NRG1: variants seen among roughly 807,000 people sequenced by gnomAD.
The protein encoded by NRG1 is pro-neuregulin-1, membrane-bound isoform.
A neutral mutation model predicts 63.8 loss-of-function variants in NRG1; 18 were observed. The observed-to-expected ratio is 0.28, with a 90% CI of 0.19 to 0.42. The LOEUF is 0.42. Ranked by LOEUF, NRG1 falls within the 10% of genes least tolerant of loss-of-function variation. NRG1 has a pLI of 1.00. For synonymous variants in NRG1, 302 were observed against 301.3 expected (o/e 1.00, Z -0.02); for missense variants, 762 against 814.7 (o/e 0.94, Z 0.79).
intron 1 of NRG1, among the ~76,000 whole-genome samples, chr8:32,328,112 C>T (rs1194871575): frequency 1.3e-5 from 2 of 152,178 alleles, no homozygotes; most frequent in Non-Finnish European, 1.5e-5. Context: ...GAGACAGCAT[C>T]TTTTAAGCAA....
chr8:32,528,650 T>A (rs940551171), intron 1 of NRG1, among the ~76,000 whole-genome samples: 2 of 151,974 alleles, frequency 1.3e-5, no homozygotes, highest in African/African-American at 2.4e-5. Context: ...AATAGAGGAG[T>A]GGTAAGATGT....
intron 1 of NRG1, among the ~76,000 whole-genome samples, chr8:32,497,135 T>A (rs1004096489): frequency 1.3e-5 from 2 of 152,152 alleles, no homozygotes; most frequent in African/African-American, 2.4e-5. Context: ...AGTCTTATTG[T>A]ATAGAATTTA....
chr8:31,824,673 G>T (rs1824360271), intron 1 of NRG1, among the ~76,000 whole-genome samples: 1 of 152,204 alleles, frequency 6.6e-6, no homozygotes. Context: ...TGTTTCTGCA[G>T]ATGCATGTAA....
chr8:32,451,190 C>T (rs1056445074), intron 1 of NRG1, among the ~76,000 whole-genome samples: 2 of 152,168 alleles, frequency 1.3e-5, no homozygotes, highest in Non-Finnish European at 2.9e-5. Flanking sequence ...TTCTGTTTGA[C>T]TTTGCAGCAG....
At chr8:32,497,446 C>CA (rs34243536) in intron 1 of NRG1, among the ~76,000 whole-genome samples, 11,306 of 119,418 alleles carry the variant, frequency 0.095, 525 homozygotes, top group Middle Eastern at 0.15. Context: ...GATTTTGTAT[C>CA]AAAAAAAAAA....
At chr8:31,939,624 G>A (rs550520271) in intron 1 of NRG1, among the ~76,000 whole-genome samples, 1 of 152,084 alleles carries the variant, frequency 6.6e-6, no homozygotes, top group South Asian at 2.1e-4. Context: ...GATACAGAAT[G>A]GCAGAATGAA....
intron 1 of NRG1, among the ~76,000 whole-genome samples, chr8:31,862,063 A>T (rs922538191): frequency 6.6e-6 from 1 of 152,152 alleles, no homozygotes; most frequent in Non-Finnish European, 1.5e-5. Flanking sequence ...TTGGGTTTGG[A>T]ATGTAAACAA....
chr8:32,250,922 TTTAG>T (rs1045960458), intron 1 of NRG1, among the ~76,000 whole-genome samples: 68 of 152,182 alleles, frequency 4.5e-4, no homozygotes, highest in African/African-American at 1.3e-3. Context: ...GACATGTATA[TTTAG>T]TTAGTTATTC....
intron 1 of NRG1, among the ~76,000 whole-genome samples, chr8:32,558,283 A>C (rs534701981): frequency 6.8e-4 from 103 of 152,230 alleles, no homozygotes; most frequent in Non-Finnish European, 1.3e-3. Flanking sequence ...CTGATTACAG[A>C]ATAAATATTA....
chr8:32,096,470 A>C, intron 1 of NRG1, among the ~76,000 whole-genome samples: 1 of 152,192 alleles, frequency 6.6e-6, no homozygotes, highest in East Asian at 1.9e-4. Flanking sequence ...GAAATATAAA[A>C]TATATTATTG....
At chr8:32,738,666 T>C (rs1825688220) in intron 6 of NRG1, among the ~76,000 whole-genome samples, 1 of 152,208 alleles carries the variant, frequency 6.6e-6, no homozygotes, top group Non-Finnish European at 1.5e-5. Flanking sequence ...GTCTCCCTAG[T>C]CTGTTAGAAG....
At chr8:32,328,143 A>G (rs1802227044) in intron 1 of NRG1, among the ~76,000 whole-genome samples, 1 of 152,152 alleles carries the variant, frequency 6.6e-6, no homozygotes, top group African/African-American at 2.4e-5. Context: ...CTTTGGGTAG[A>G]GTGGGAATAA....
chr8:32,691,062 G>A (rs903965106), intron 5 of NRG1, among the ~76,000 whole-genome samples: 4 of 151,778 alleles, frequency 2.6e-5, no homozygotes, highest in Non-Finnish European at 4.4e-5. Flanking sequence ...GTGAGATGCA[G>A]GCTGGGTGCT....
intron 1 of NRG1, among the ~76,000 whole-genome samples, chr8:31,838,369 T>C (rs1563464953): frequency 6.6e-6 from 1 of 152,270 alleles, no homozygotes; most frequent in East Asian, 1.9e-4. Flanking sequence ...TTTAATATAT[T>C]GAAGAACTAT....
intron 5 of NRG1, among the ~76,000 whole-genome samples, chr8:32,617,181 T>G (rs1251831745): frequency 6.6e-6 from 1 of 152,160 alleles, no homozygotes; most frequent in Non-Finnish European, 1.5e-5. Context: ...TGAGGCCTAA[T>G]TCCTGGCAAG....
intron 1 of NRG1, among the ~76,000 whole-genome samples, chr8:32,518,854 C>T (rs572293881): frequency 4.6e-5 from 7 of 152,152 alleles, no homozygotes; most frequent in African/African-American, 7.2e-5. Context: ...TAATTTTATT[C>T]GTAATTAAAA....
At chr8:32,700,765 T>C (rs992791250) in intron 5 of NRG1, among the ~76,000 whole-genome samples, 1 of 152,164 alleles carries the variant, frequency 6.6e-6, no homozygotes, top group Non-Finnish European at 1.5e-5. Context: ...TTCATGTGAG[T>C]GAGCACACTG....
chr8:32,328,426 ATC>A (rs1354551103), intron 1 of NRG1, among the ~76,000 whole-genome samples: 54 of 146,446 alleles, frequency 3.7e-4, no homozygotes, highest in African/African-American at 1.4e-3. Flanking sequence ...AAAATTTAAC[ATC>A]TTTTTTTTTT....
chr8:32,618,801 G>T lies in NRG1; in HGVS notation c.502+1916G>T, dbSNP rs142347015. On this transcript the variant is annotated intron_variant, in intron 5 of 11. Transcript: ENST00000356819. ...AAAAATGAGAAACAGTAGAGGAGGGGAGGGGATAAGGAGAGTTGAAACTTG... is the reference window on the plus strand; with the variant it reads ...AAAAATGAGAAACAGTAGAGGAGGGTAGGGGATAAGGAGAGTTGAAACTTG... 8.3e-3 allele frequency among the ~76,000 whole-genome samples: 1,267 copies of T among 152,294 alleles called. 3 individuals carry two copies. The highest frequency in any genetic ancestry group is 0.027 in the Middle Eastern group (8 of 294).
Sources: gnomAD v4.1 joint callset for allele counts (sites outside exome capture counted in the v4.1 genomes callset) on GRCh38, gnomAD v4.1.1 for gene constraint, MANE v1.5 for transcripts, NCBI Gene and HGNC (gene_info 2026-07-23, HGNC 2026-07-21) for gene names.